Variants in NPHP4 observed in about 807,000 individuals in gnomAD.
NPHP4 encodes the protein nephrocystin-4.
In NPHP4, 151 loss-of-function variants were observed where a neutral mutation model predicts 155.8. The observed-to-expected ratio is 0.97, with a 90% CI of 0.85 to 1.11. NPHP4 has a LOEUF of 1.11. Among genes scored for constraint, NPHP4 ranks in the 50% least tolerant of loss-of-function variants. The pLI, the probability that NPHP4 is intolerant of heterozygous loss-of-function variation, is 0.00. For missense variants in NPHP4, 1,956 were observed against 1,925.7 expected (o/e 1.02, Z -0.29); for synonymous variants, 845 against 816.8 (o/e 1.03, Z -0.59).
chr1:5,967,503 C>G lies in NPHP4; in HGVS notation c.453-140G>C, dbSNP rs1032734449. 11 of 651,274 alleles carry G rather than the reference C, an allele frequency of 1.7e-5. No individual in the cohort carries two copies. The South Asian group carries it at 2.0e-4, about 12-fold the overall frequency. 40.3% of individuals were successfully genotyped at this position (651,274 alleles called of 1,614,324 possible). A position where few individuals can be genotyped will look rare whatever the true frequency, so the allele number is the denominator to read the frequency against. ...TCCCATCCTCTGCGGAAGGCAGAGG[C>G]AGCTGAGGCCAGCAGCAGCTCCCCA... On this transcript the variant is annotated intron_variant, in intron 4 of 29. Coordinates refer to ENST00000378156, the MANE Select transcript of NPHP4 (RefSeq NM_015102.5).
At position 5,867,924 on chromosome 1, in the gene NPHP4, G is replaced by C. The variant is rs749569002; in HGVS notation, c.3316-28C>G. The C allele has an allele frequency of 2.5e-6, 4 of 1,613,592 alleles. No homozygotes were observed. Among genetic ancestry groups the C allele is most frequent in the Non-Finnish European group, 3.4e-6 (4 of 1,179,556 alleles). ...GTGAGGAGGCCACGCTGAGTGTTGG[G>C]ATGGGCACGAGGCTTGTGAGCAGCT... On this transcript the variant is annotated intron_variant, in intron 23 of 29. Transcript: ENST00000378156. The surrounding 1 kb of genome is among the most constrained non-coding windows in gnomAD (Gnocchi z 4.1).
rs529201810 is a variant in NPHP4, at chr1:5,906,893, T to A, written c.1611+222A>T. 3.3e-5 allele frequency among the ~76,000 whole-genome samples: 5 copies of A among 152,362 alleles called. No individual in the cohort carries two copies. In the South Asian group the frequency reaches 1.0e-3, roughly 32 times the overall value. On this transcript the variant is annotated intron_variant, in intron 13 of 29. Coordinates refer to ENST00000378156, the MANE Select transcript of NPHP4 (RefSeq NM_015102.5). ...ACAATCTGAGTCAAGCGCTGTGGTA[T>A]GAAGAACTCATGGGCCACATTCTTC... is the stretch of plus-strand genomic sequence containing the variant.
chr1:5,978,228 C>A (rs983041876), intron 3 of NPHP4, 42 bp downstream of exon 3: 4 of 1,576,948 alleles, frequency 2.5e-6, no homozygotes, highest in Non-Finnish European at 3.4e-6. Context: ...CACACACACC[C>A]TCCGCCTTGG....
intron 16 of NPHP4, among the ~76,000 whole-genome samples, chr1:5,893,823 G>A (rs1256343331): frequency 1.3e-5 from 2 of 152,300 alleles, no homozygotes; most frequent in Non-Finnish European, 1.5e-5. Flanking sequence ...CTGGCAACGG[G>A]CGTCTTCCCA....
In NPHP4 at chr1:5,873,190, G is replaced by T. The variant is rs1044757053; in HGVS notation, c.3315+62C>A. ...CCAGGAGGGGAGAGAAGGACACAAG[G>T]GTCAGGCCCTGGGAATACCCAGGAA... On this transcript the variant is annotated intron_variant, in intron 23 of 29. Transcript: ENST00000378156. The T allele has an allele frequency of 6.4e-6, 9 of 1,400,850 alleles. No individual in the cohort carries two copies. The East Asian group carries it at 1.8e-4, about 29-fold the overall frequency. 86.8% of individuals were successfully genotyped at this position (1,400,850 alleles called of 1,614,324 possible).
rs1368105372 is a variant in NPHP4, at chr1:5,905,354, CTGAG to C, written c.1889_1892del (p.Pro630ArgfsTer69). ...TTTGTAGACAATCTGATTCTTCCTT[CTGAG>C]GGTTAAACGTCACAGGTTCTGTAGC... On this transcript the variant is annotated frameshift_variant, in exon 15 of 30. Coordinates refer to ENST00000378156, the MANE Select transcript of NPHP4 (RefSeq NM_015102.5). LOFTEE classifies it high-confidence loss of function. The surrounding 1 kb of genome is among the most constrained non-coding windows in gnomAD (Gnocchi z 4.0). 7 of 1,613,870 alleles carry C rather than the reference CTGAG, an allele frequency of 4.3e-6. No individual in the cohort carries two copies. The Admixed American group carries it at 8.3e-5, about 19-fold the overall frequency.
intron 11 of NPHP4, among the ~76,000 whole-genome samples, chr1:5,917,687 G>T (rs1645545900): frequency 6.6e-6 from 1 of 152,210 alleles, no homozygotes; most frequent in South Asian, 2.1e-4. Flanking sequence ...GAATGAAACA[G>T]TCCCCACCGT....
At chr1:5,957,930 A>ACCTAT (rs1421025277) in intron 6 of NPHP4, among the ~76,000 whole-genome samples, 1 of 152,162 alleles carries the variant, frequency 6.6e-6, no homozygotes, top group Non-Finnish European at 1.5e-5. Flanking sequence ...TTCAAGAGAG[A>ACCTAT]CCTATGACCT....
chr1:5,887,308 C>T lies in NPHP4; in HGVS notation c.2463G>A (p.Leu821=). The change falls in exon 18 of 30, where the codon CTG becomes CTA. Residue 821 remains leucine, a synonymous_variant. Coordinates refer to ENST00000378156, the MANE Select transcript of NPHP4 (RefSeq NM_015102.5). ...IGVHSVVKGR[L]HLTLANVGHP... is the part of the protein sequence containing the mutation. ...TACCCACGTTGGCCAAAGTCAGGTG[C>T]AGCCGGCCCTTCACCACCGAGTGGA... 6.2e-7 allele frequency: 1 copy of T among 1,613,308 alleles called. No homozygotes were observed. Among genetic ancestry groups the T allele is most frequent in the Non-Finnish European group, 8.5e-7 (1 of 1,179,758 alleles).
intron 7 of NPHP4, among the ~76,000 whole-genome samples, chr1:5,950,372 A>G (rs1305337595): frequency 6.6e-6 from 1 of 152,168 alleles, no homozygotes; most frequent in Non-Finnish European, 1.5e-5. Context: ...GGCAGGCACC[A>G]TGCCCAACTC....
In NPHP4 at chr1:5,986,172, C is replaced by T. The variant is rs1245608283; in HGVS notation, c.118G>A (p.Gly40Arg). 2.5e-6 allele frequency: 4 copies of T among 1,613,856 alleles called. No homozygotes were observed. Among genetic ancestry groups the T allele is most frequent in the Non-Finnish European group, 3.4e-6 (4 of 1,179,852 alleles). Residue 40 changes from glycine to arginine, a missense_variant, in exon 2 of 30, where the codon GGA (glycine) becomes AGA (arginine). Gly to Arg is a moderately radical substitution (Grantham distance 125). Coordinates refer to ENST00000378156, the MANE Select transcript of NPHP4 (RefSeq NM_015102.5). Reference sequence around the variant, plus strand: ...TTTGTTACCTGCCTAATTACCGGTCCGTCCAGCCACTTGAGGACACACTGG... The same window carrying T: ...TTTGTTACCTGCCTAATTACCGGTCTGTCCAGCCACTTGAGGACACACTGG... ...AFQCVLKWLDGPVIRQGVLEV... is the reference protein window; with the variant it reads ...AFQCVLKWLDRPVIRQGVLEV...
chr1:5,935,997 A>G (rs1457125983), intron 9 of NPHP4, among the ~76,000 whole-genome samples: 1 of 152,262 alleles, frequency 6.6e-6, no homozygotes, highest in Non-Finnish European at 1.5e-5. Flanking sequence ...GTATTATTAC[A>G]GGATCAAAAA....
At position 5,890,148 on chromosome 1, in the gene NPHP4, G is replaced by A. The variant is rs866500093; in HGVS notation, c.2304+720C>T. Reference sequence around the variant, plus strand: ...AGGAATCCAGGAGGAAAGCAGCTATGCGGCACTCAAGAAAAGTGGGGAAAT... The same window carrying A: ...AGGAATCCAGGAGGAAAGCAGCTATACGGCACTCAAGAAAAGTGGGGAAAT... On this transcript the variant is annotated intron_variant, in intron 17 of 29. Transcript: ENST00000378156. This position sits in a 1 kb window ranked among gnomAD's most constrained non-coding sequence, Gnocchi z 4.9. Among the ~76,000 whole-genome samples the A allele has an allele frequency of 2.6e-5, 4 of 152,162 alleles. No individual in the cohort carries two copies. Among genetic ancestry groups the A allele is most frequent in the Non-Finnish European group, 5.9e-5 (4 of 68,024 alleles).
At chr1:5,943,429 G>A (rs968895337) in intron 9 of NPHP4, among the ~76,000 whole-genome samples, 1 of 152,196 alleles carries the variant, frequency 6.6e-6, no homozygotes, top group Non-Finnish European at 1.5e-5. Flanking sequence ...ACCATTTACA[G>A]ATGAATCCTT....
intron 20 of NPHP4, among the ~76,000 whole-genome samples, chr1:5,875,366 A>G (rs1050508348): frequency 6.6e-6 from 1 of 152,090 alleles, no homozygotes; most frequent in Non-Finnish European, 1.5e-5. Flanking sequence ...TTCCTGAGAG[A>G]CTCTTCACAG....
intron 3 of NPHP4, among the ~76,000 whole-genome samples, chr1:5,972,184 G>C (rs1330859715): frequency 6.6e-6 from 1 of 152,256 alleles, no homozygotes; most frequent in African/African-American, 2.4e-5. Flanking sequence ...AGCTGAGCAG[G>C]AACAGAATGA....
At chr1:5,951,661 A>G (rs1648087581) in intron 7 of NPHP4, among the ~76,000 whole-genome samples, 1 of 152,318 alleles carries the variant, frequency 6.6e-6, no homozygotes, top group East Asian at 1.9e-4. Context: ...CCTCATTCCA[A>G]CACTATTTGT....
intron 1 of NPHP4, chr1:5,991,665 G>C (rs1656322171): frequency 6.6e-6 from 1 of 152,260 alleles, no homozygotes; most frequent in Non-Finnish European, 1.5e-5. Flanking sequence ...TCCAAGGCAG[G>C]AAAGGGGCGC....
At chr1:5,940,519 A>C (rs1240741094) in intron 9 of NPHP4, among the ~76,000 whole-genome samples, 2 of 152,226 alleles carry the variant, frequency 1.3e-5, no homozygotes, top group Non-Finnish European at 2.9e-5. Flanking sequence ...CTGCAATATG[A>C]ATCTACAATT....
Sources: gnomAD v4.1 joint callset for allele counts (sites outside exome capture counted in the v4.1 genomes callset) on GRCh38, gnomAD v4.1.1 for gene constraint, Gnocchi (gnomAD v3.1) non-coding constraint, MANE v1.5 for transcripts, NCBI Gene and HGNC (gene_info 2026-07-23, HGNC 2026-07-21) for gene names.